The following PARP8 variants were observed in gnomAD, a reference collection of about 807,000 sequenced individuals.
PARP8 encodes poly(ADP-ribose) polymerase family member 8, also known as protein mono-ADP-ribosyltransferase PARP8.
In PARP8, 51 loss-of-function variants were observed where a neutral mutation model predicts 124.1. The ratio of observed to expected loss-of-function variants is 0.41; its 90% CI spans 0.33 to 0.52. The LOEUF is 0.52. Ranked by LOEUF, PARP8 falls within the 20% of genes least tolerant of loss-of-function variation. The probability of loss-of-function intolerance (pLI) is 0.21; values close to 1 mark genes in which losing one functional copy is unlikely to be tolerated. For missense variants in PARP8, 860 were observed against 1,018.9 expected, an observed-to-expected ratio of 0.84 and a Z score of 2.12; for synonymous variants, 391 against 361.5, an observed-to-expected ratio of 1.08 and a Z score of -0.93.
At position 50,807,619 on chromosome 5, in the gene PARP8, T is replaced by C. The variant is rs887699404; in HGVS notation, c.1576-7813T>C. Reference sequence around the variant, plus strand: ...GTTTTATCAGCCTCTAAATTCCTAATGCCCTTTTCTGTTATACTCACCTTA... The same window carrying C: ...GTTTTATCAGCCTCTAAATTCCTAACGCCCTTTTCTGTTATACTCACCTTA... On this transcript the variant is annotated intron_variant, in intron 14 of 25. Coordinates refer to ENST00000281631, the MANE Select transcript of PARP8 (RefSeq NM_024615.4). 2.0e-5 allele frequency among the ~76,000 whole-genome samples: 3 copies of C among 152,136 alleles called. No homozygotes were observed. The East Asian group carries it at 5.8e-4, about 29-fold the overall frequency.
chr5:50,815,902 G>A (rs1745047171), intron 15 of PARP8, among the ~76,000 whole-genome samples: 1 of 152,048 alleles, frequency 6.6e-6, no homozygotes, highest in Admixed American at 6.6e-5. Context: ...AAAGATAATA[G>A]GCAGAGTATG....
intron 7 of PARP8, among the ~76,000 whole-genome samples, chr5:50,770,062 T>C (rs1311110641): frequency 6.6e-6 from 1 of 152,194 alleles, no homozygotes; most frequent in Non-Finnish European, 1.5e-5. Flanking sequence ...GCTTTTTTGG[T>C]AATCTGCTTA....
chr5:50,827,178 C>A (rs773267204), intron 19 of PARP8, among the ~76,000 whole-genome samples: 6 of 151,994 alleles, frequency 3.9e-5, no homozygotes, highest in Non-Finnish European at 7.4e-5. Flanking sequence ...AGCTATTGAC[C>A]TCAGACAACT....
intron 2 of PARP8, among the ~76,000 whole-genome samples, chr5:50,743,286 A>G (rs1435180870): frequency 6.6e-6 from 1 of 152,208 alleles, no homozygotes; most frequent in African/African-American, 2.4e-5. Flanking sequence ...ATTGTAGCTC[A>G]TAGTGGTGAA....
intron 25 of PARP8, among the ~76,000 whole-genome samples, chr5:50,839,674 C>CTT (rs1747962039): frequency 6.6e-6 from 1 of 151,238 alleles, no homozygotes; most frequent in African/African-American, 2.4e-5. Context: ...CTTTCTCTCT[C>CTT]TCTCTCTCTC....
At chr5:50,772,895 C>T (rs746837152) in intron 7 of PARP8, among the ~76,000 whole-genome samples, 3 of 151,958 alleles carry the variant, frequency 2.0e-5, no homozygotes, top group African/African-American at 7.3e-5. Flanking sequence ...GACAGGGTTT[C>T]GCCATGTTGG....
At chr5:50,747,163 G>GTTTTTTTTTTTTTTTTTTTTTTTTTTTTT (rs1211253892) in intron 2 of PARP8, among the ~76,000 whole-genome samples, 10 of 95,504 alleles carry the variant, frequency 1.0e-4, no homozygotes, top group Non-Finnish European at 1.8e-4. Flanking sequence ...TGTTTGTTTT[G>GTTTTTTTTTTTTTTTTTTTTTTTTTTTTT]TTTTTTTTTT....
intron 2 of PARP8, among the ~76,000 whole-genome samples, chr5:50,698,402 T>G (rs965866104): frequency 6.6e-6 from 1 of 152,206 alleles, no homozygotes; most frequent in African/African-American, 2.4e-5. Flanking sequence ...ATATTATAAT[T>G]GAAATACTTA....
intron 2 of PARP8, among the ~76,000 whole-genome samples, chr5:50,700,942 G>T (rs2149475019): frequency 6.6e-6 from 1 of 152,144 alleles, no homozygotes; most frequent in South Asian, 2.1e-4. Flanking sequence ...ATCCATCTGA[G>T]TACCCAGTAA....
chr5:50,687,803 G>A (rs1167102369), intron 2 of PARP8, among the ~76,000 whole-genome samples: 2 of 152,108 alleles, frequency 1.3e-5, no homozygotes, highest in Non-Finnish European at 2.9e-5. Context: ...GCACCAGAAG[G>A]AACTGCCCCC....
At chr5:50,679,219 C>A (rs1751003923) in intron 2 of PARP8, among the ~76,000 whole-genome samples, 1 of 152,074 alleles carries the variant, frequency 6.6e-6, no homozygotes, top group Non-Finnish European at 1.5e-5. Flanking sequence ...TTCTTTTCTT[C>A]AGTGTACAAA....
rs1362968589 is a variant in PARP8 at position 50,793,717 on chromosome 5, T to G, written c.738-490T>G. ...ATGATTTTATAGCTTTGCTTTCCTT[T>G]TCATGAAGAAGATATCGAAGCAAGT... On this transcript the variant is annotated intron_variant, in intron 10 of 25. Coordinates refer to ENST00000281631, the MANE Select transcript of PARP8 (RefSeq NM_024615.4). Among the ~76,000 whole-genome samples the G allele has an allele frequency of 2.6e-5, 4 of 152,298 alleles. No individual in the cohort carries two copies. In the East Asian group the frequency reaches 7.7e-4, roughly 29 times the overall value.
At chr5:50,731,452 C>G (rs1196118023) in intron 2 of PARP8, among the ~76,000 whole-genome samples, 5 of 152,134 alleles carry the variant, frequency 3.3e-5, no homozygotes, top group African/African-American at 1.2e-4. Flanking sequence ...TCTGGCTCAT[C>G]TAAATCTGGG....
rs1479155933 is a variant in PARP8 at position 50,815,446 on chromosome 5, A to G, written c.1590A>G (p.Glu530=). The G allele has an allele frequency of 6.3e-7, 1 of 1,592,636 alleles. No homozygotes were observed. Among genetic ancestry groups the G allele is most frequent in the South Asian group, 1.1e-5 (1 of 88,358 alleles). The part of the protein sequence containing the change: ...NGPMLRPTVC[E]RELCVFAFQT... ...TTCTTTTGTAGCCTACCGTATGTGA[A>G]CGGGAGCTGTGTGTGTTTGCTTTTC... Residue 530 remains glutamate (E), a synonymous_variant, in exon 15 of 26, where the codon GAA becomes GAG. Transcript: ENST00000281631.
At chr5:50,774,885 T>TG (rs1739781743) in intron 7 of PARP8, among the ~76,000 whole-genome samples, 1 of 91,082 alleles carries the variant, frequency 1.1e-5, no homozygotes, top group African/African-American at 4.4e-5. Flanking sequence ...TCCCAGACGA[T>TG]GGGCGGCCGG....
chr5:50,798,616 G>T (rs1324896361), intron 14 of PARP8, among the ~76,000 whole-genome samples: 1 of 151,852 alleles, frequency 6.6e-6, no homozygotes, highest in Non-Finnish European at 1.5e-5. Context: ...TAGAGACAGG[G>T]TTTCACTGTG....
chr5:50,813,816 T>C (rs527435130), intron 14 of PARP8, among the ~76,000 whole-genome samples: 5 of 152,178 alleles, frequency 3.3e-5, no homozygotes, highest in Admixed American at 1.3e-4. Context: ...AATGTGTGTG[T>C]ATATGTACAC....
chr5:50,711,296 T>C (rs545953477), intron 2 of PARP8, among the ~76,000 whole-genome samples: 18 of 152,282 alleles, frequency 1.2e-4, no homozygotes, highest in Admixed American at 6.5e-5. Context: ...CAAGAAATCA[T>C]ACCTTAGTGA....
chr5:50,811,011 T>A (rs1744374298), intron 14 of PARP8, among the ~76,000 whole-genome samples: 1 of 152,112 alleles, frequency 6.6e-6, no homozygotes, highest in African/African-American at 2.4e-5. Flanking sequence ...TGGTTTTTGT[T>A]TCCAAAAAGC....
Sources: allele counts gnomAD v4.1 joint callset (sites outside exome capture counted in the v4.1 genomes callset), GRCh38; gene constraint gnomAD v4.1.1; transcripts MANE v1.5; gene names NCBI Gene and HGNC (gene_info 2026-07-23, HGNC 2026-07-21).